The following DIS3L2 variants were observed in gnomAD, a reference collection of about 807,000 sequenced individuals.
DIS3L2 encodes DIS3 like 3'-5' exoribonuclease 2, also known as DIS3-like exonuclease 2.
DIS3L2 carries 34 observed loss-of-function variants against 97.5 expected under a neutral mutation model. That is an observed-to-expected ratio of 0.35 (90% confidence interval 0.27 to 0.46). DIS3L2 has a LOEUF of 0.46. Ranked by LOEUF, DIS3L2 falls within the 20% of genes least tolerant of loss-of-function variation. DIS3L2 has a pLI of 1.00. For synonymous variants in DIS3L2, 435 were observed against 445.2 expected, an observed-to-expected ratio of 0.98 and a Z score of 0.29; for missense variants, 1,038 against 1,146.0, an observed-to-expected ratio of 0.91 and a Z score of 1.36.
intron 13 of DIS3L2, among the ~76,000 whole-genome samples, chr2:232,295,847 A>G (rs1041851791): frequency 1.3e-5 from 2 of 152,176 alleles, no homozygotes; most frequent in African/African-American, 2.4e-5. Flanking sequence ...GACCTCTTAG[A>G]AGGATTTAAC....
chr2:232,226,696 G>A (rs1204556459), intron 10 of DIS3L2, among the ~76,000 whole-genome samples: 1 of 152,194 alleles, frequency 6.6e-6, no homozygotes, highest in African/African-American at 2.4e-5. Flanking sequence ...TCAAGGCCAG[G>A]TGGGGTGGCT....
intron 5 of DIS3L2, among the ~76,000 whole-genome samples, chr2:232,084,972 T>C (rs1696529469): frequency 6.6e-6 from 1 of 152,242 alleles, no homozygotes; most frequent in African/African-American, 2.4e-5. Flanking sequence ...GTTATGTTAA[T>C]TGAACCTACT....
At chr2:231,976,551 C>A (rs1693099784) in intron 1 of DIS3L2, among the ~76,000 whole-genome samples, 1 of 151,332 alleles carries the variant, frequency 6.6e-6, no homozygotes, top group South Asian at 2.1e-4. Context: ...ATCACTGGAG[C>A]CTGGGAGGTG....
intron 10 of DIS3L2, among the ~76,000 whole-genome samples, chr2:232,221,933 G>C (rs944342353): frequency 2.0e-5 from 3 of 151,950 alleles, no homozygotes; most frequent in Non-Finnish European, 4.4e-5. Context: ...TCCATGCGAA[G>C]TCATTTCATT....
At chr2:232,041,119 G>A (rs1395210621) in intron 5 of DIS3L2, among the ~76,000 whole-genome samples, 1 of 152,140 alleles carries the variant, frequency 6.6e-6, no homozygotes, top group Non-Finnish European at 1.5e-5. Flanking sequence ...CTTAGGACTG[G>A]AGAGGTATGA....
chr2:232,197,951 T>G (rs1274789839), intron 9 of DIS3L2, among the ~76,000 whole-genome samples: 1 of 148,328 alleles, frequency 6.7e-6, no homozygotes, highest in African/African-American at 2.5e-5. Context: ...GGCGACAGAG[T>G]GAGACTCCAT....
At chr2:232,121,127 G>A (rs752007502) in intron 6 of DIS3L2, among the ~76,000 whole-genome samples, 2 of 151,986 alleles carry the variant, frequency 1.3e-5, no homozygotes, top group Non-Finnish European at 2.9e-5. Flanking sequence ...CCCACAGTCT[G>A]CCTCCCACTC....
rs375508407 is a variant in DIS3L2 at position 232,163,469 on chromosome 2, A to G, written c.961A>G (p.Lys321Glu). The G allele has an allele frequency of 1.9e-6, 3 of 1,613,966 alleles. No homozygotes were observed. Among genetic ancestry groups the G allele is most frequent in the African/African-American group, 2.7e-5 (2 of 75,044 alleles). Residue 321 changes from lysine to glutamate, a missense_variant, in exon 9 of 21, where the codon AAG becomes GAG. Transcript: ENST00000325385. ...DCNFALGQLA[K>E]SLGQAGEIEP... The stretch of plus-strand genomic sequence containing the variant: ...CTGTTCTATCCATAGGCAGCTGGCT[A>G]AGAGTCTTGGGCAGGCTGGTGAAAT...
intron 9 of DIS3L2, 74 bp downstream of exon 9, chr2:232,163,706 G>A: frequency 6.8e-7 from 1 of 1,474,322 alleles, no homozygotes; most frequent in Non-Finnish European, 9.0e-7. Flanking sequence ...AGGCTTAGAT[G>A]TTTTCATCTT....
At chr2:232,230,960 C>A (rs527520915) in intron 10 of DIS3L2, among the ~76,000 whole-genome samples, 1 of 152,110 alleles carries the variant, frequency 6.6e-6, no homozygotes, top group African/African-American at 2.4e-5. Flanking sequence ...TGCTCTCCCC[C>A]ATGTCATCAC....
chr2:231,978,794 C>T (rs538698277), intron 1 of DIS3L2: 163 of 152,346 alleles, frequency 1.1e-3, no homozygotes, highest in African/African-American at 3.8e-3. Context: ...GTATAAGAAT[C>T]ACCAGGGGAG....
chr2:232,065,292 A>G (rs1213718711), intron 5 of DIS3L2, among the ~76,000 whole-genome samples: 1 of 150,928 alleles, frequency 6.6e-6, no homozygotes, highest in African/African-American at 2.4e-5. Context: ...CCACCATTCT[A>G]CTCTGTTTCT....
chr2:232,327,085 G>A (rs1695598954), intron 14 of DIS3L2, among the ~76,000 whole-genome samples: 1 of 152,330 alleles, frequency 6.6e-6, no homozygotes, highest in South Asian at 2.1e-4. Context: ...AGCGCCTGCA[G>A]GAACTGAGAG....
chr2:232,254,377 G>A (rs1042826101), intron 12 of DIS3L2, among the ~76,000 whole-genome samples: 25 of 151,728 alleles, frequency 1.6e-4, no homozygotes, highest in African/African-American at 5.6e-4. Context: ...AGCATGCATA[G>A]GGGAAAAAAT....
At chr2:232,123,514 C>A (rs573096212) in intron 6 of DIS3L2, among the ~76,000 whole-genome samples, 2 of 151,302 alleles carry the variant, frequency 1.3e-5, no homozygotes, top group African/African-American at 2.4e-5. Flanking sequence ...CTATTCTTAC[C>A]CCCATCACTG....
intron 5 of DIS3L2, among the ~76,000 whole-genome samples, chr2:232,034,227 C>T (rs1376545215): frequency 1.3e-5 from 2 of 152,146 alleles, no homozygotes; most frequent in Admixed American, 6.5e-5. Flanking sequence ...TTACCCATTT[C>T]TTCTAGATTT....
chr2:232,098,080 T>G (rs1368144177), intron 6 of DIS3L2, among the ~76,000 whole-genome samples: 1 of 152,192 alleles, frequency 6.6e-6, no homozygotes, highest in Non-Finnish European at 1.5e-5. Context: ...TCTTTTAGTC[T>G]GGGTGAACAA....
chr2:232,218,419 C>T (rs945796135), intron 10 of DIS3L2, among the ~76,000 whole-genome samples: 9 of 152,096 alleles, frequency 5.9e-5, no homozygotes, highest in Non-Finnish European at 8.8e-5. Flanking sequence ...TCTCAGCCTC[C>T]GAGGTGTGGG....
intron 1 of DIS3L2, among the ~76,000 whole-genome samples, chr2:231,968,386 C>T (rs1485155803): frequency 3.9e-5 from 6 of 152,222 alleles, no homozygotes; most frequent in Admixed American, 6.5e-5. Context: ...TGAGCCACTG[C>T]GCTTGGCCTA....
Sources: gnomAD v4.1 joint callset for allele counts (sites outside exome capture counted in the v4.1 genomes callset) on GRCh38, gnomAD v4.1.1 for gene constraint, MANE v1.5 for transcripts, NCBI Gene and HGNC (gene_info 2026-07-23, HGNC 2026-07-21) for gene names.